Variants in CALN1 observed in about 807,000 individuals in gnomAD.
CALN1 encodes calneuron 1.
In CALN1, 17 loss-of-function variants were observed where a neutral mutation model predicts 30.6. The observed-to-expected ratio is 0.56, with a 90% confidence interval of 0.38 to 0.83. The LOEUF is 0.83. Among genes scored for constraint, CALN1 ranks in the 40% least tolerant of loss-of-function variants. The pLI is 0.00. For missense variants in CALN1, 291 were observed against 354.9 expected, an observed-to-expected ratio of 0.82 and a Z score of 1.45; for synonymous variants, 156 against 131.4, an observed-to-expected ratio of 1.19 and a Z score of -1.28.
intron 5 of CALN1, among the ~76,000 whole-genome samples, chr7:71,916,521 A>ACT (rs1180636961): frequency 6.6e-6 from 1 of 152,156 alleles, no homozygotes; most frequent in Non-Finnish European, 1.5e-5. Context: ...CCTTGCCAGG[A>ACT]ACATGGATGG....
chr7:72,205,416 G>T (rs1285876481), intron 3 of CALN1, among the ~76,000 whole-genome samples: 2 of 150,148 alleles, frequency 1.3e-5, no homozygotes, highest in African/African-American at 2.5e-5. Context: ...TAACCAGGCT[G>T]GTCTCTAACT....
At chr7:72,299,081 C>T (rs1799068492) in intron 2 of CALN1, among the ~76,000 whole-genome samples, 1 of 152,144 alleles carries the variant, frequency 6.6e-6, no homozygotes, top group African/African-American at 2.4e-5. Flanking sequence ...ACCACAGTAC[C>T]TCCCAGTGTG....
intron 5 of CALN1, among the ~76,000 whole-genome samples, chr7:71,951,482 T>C (rs1024215125): frequency 1.3e-5 from 2 of 152,034 alleles, no homozygotes; most frequent in Non-Finnish European, 2.9e-5. Flanking sequence ...TCCCAGCTAC[T>C]TGGGAGGCTG....
chr7:72,045,257 T>C (rs370689243), intron 4 of CALN1, among the ~76,000 whole-genome samples: 11 of 152,290 alleles, frequency 7.2e-5, no homozygotes, highest in Non-Finnish European at 1.2e-4. Context: ...GTGAACAGCA[T>C]GTGCTGCCTG....
At chr7:71,793,293 C>T (rs374882386) in intron 6 of CALN1, among the ~76,000 whole-genome samples, 4 of 151,882 alleles carry the variant, frequency 2.6e-5, no homozygotes, top group African/African-American at 7.2e-5. Context: ...GCAACAAGAG[C>T]GAAACTCCAT....
chr7:72,298,833 G>C (rs552553889), intron 2 of CALN1, among the ~76,000 whole-genome samples: 9 of 151,362 alleles, frequency 5.9e-5, no homozygotes, highest in African/African-American at 1.9e-4. Context: ...GGAGGGGTGC[G>C]GAGTTTCCCT....
At chr7:72,218,481 G>C (rs1020134746) in intron 3 of CALN1, among the ~76,000 whole-genome samples, 1 of 152,008 alleles carries the variant, frequency 6.6e-6, no homozygotes, top group Non-Finnish European at 1.5e-5. Context: ...ACTGTGCTTT[G>C]GGTAACCAAA....
chr7:72,249,349 GCAAGCATTTCCACTCTC>G (rs1417159016), intron 3 of CALN1, among the ~76,000 whole-genome samples: 14 of 152,160 alleles, frequency 9.2e-5, no homozygotes, highest in African/African-American at 3.4e-4. Flanking sequence ...AGGAAGCCAG[GCAAGCATTTCCACTCTC>G]CTGTGTGAGG....
chr7:72,484,316 G>T, the CALN1 span, among the ~76,000 whole-genome samples: 1 of 151,512 alleles, frequency 6.6e-6, no homozygotes, highest in South Asian at 2.1e-4. Flanking sequence ...TTATCTATTT[G>T]GGTCTTGATT....
chr7:71,820,670 T>C (rs1788535242), intron 5 of CALN1, among the ~76,000 whole-genome samples: 1 of 152,224 alleles, frequency 6.6e-6, no homozygotes, highest in African/African-American at 2.4e-5. Context: ...CATACGGTAA[T>C]TCTATGTTTA....
intron 5 of CALN1, among the ~76,000 whole-genome samples, chr7:71,897,965 C>CA (rs1217388366): frequency 0.14 from 7,419 of 54,942 alleles, 650 homozygotes; most frequent in Non-Finnish European, 0.2. Flanking sequence ...TGGAAAAAAA[C>CA]AAAAAACAAA....
At chr7:71,818,708 ATTTATTTATTTATTTT>A (rs1326293782) in intron 5 of CALN1, among the ~76,000 whole-genome samples, 112 of 146,988 alleles carry the variant, frequency 7.6e-4, no homozygotes, top group Middle Eastern at 3.5e-3. Flanking sequence ...TTATTTATTT[ATTTATTTATTTATTTT>A]TTTGAGCTGG....
At chr7:72,464,693 G>T in the CALN1 span, among the ~76,000 whole-genome samples, 1 of 152,230 alleles carries the variant, frequency 6.6e-6, no homozygotes, top group African/African-American at 2.4e-5. Flanking sequence ...GACTGGAGCA[G>T]CTCCAGCTTT....
intron 2 of CALN1, among the ~76,000 whole-genome samples, chr7:72,288,025 C>T (rs11762805): frequency 0.31 from 46,980 of 151,706 alleles, 7,884 homozygotes; most frequent in Non-Finnish European, 0.37. Flanking sequence ...AACTTTGTGG[C>T]TTAAAATAAA....
At chr7:71,842,454 T>C (rs1178853442) in intron 5 of CALN1, among the ~76,000 whole-genome samples, 1 of 152,218 alleles carries the variant, frequency 6.6e-6, no homozygotes, top group Non-Finnish European at 1.5e-5. Flanking sequence ...TCTGAGCTGT[T>C]GGGATTTTGC....
chr7:71,944,499 C>A (rs1455913825), intron 5 of CALN1, among the ~76,000 whole-genome samples: 31 of 140,096 alleles, frequency 2.2e-4, no homozygotes, highest in Non-Finnish European at 1.1e-4. Flanking sequence ...GAGGCTGAGG[C>A]AGGAGAATCG....
At chr7:72,335,429 C>T (rs1288715345) in intron 2 of CALN1, among the ~76,000 whole-genome samples, 1 of 152,190 alleles carries the variant, frequency 6.6e-6, no homozygotes, top group Non-Finnish European at 1.5e-5. Context: ...ACACACAGCG[C>T]AGAAATCTAC....
chr7:72,148,429 A>G (rs907674684), intron 3 of CALN1, among the ~76,000 whole-genome samples: 1 of 128,814 alleles, frequency 7.8e-6, no homozygotes, highest in Non-Finnish European at 1.9e-5. Flanking sequence ...AAGAAAAAAA[A>G]GAAAAAAGAA....
intron 5 of CALN1, among the ~76,000 whole-genome samples, chr7:72,000,662 AAAAG>A (rs1230307089): frequency 1.3e-5 from 2 of 151,584 alleles, no homozygotes; most frequent in African/African-American, 2.4e-5. Context: ...CCCACAAAAT[AAAAG>A]AAATAGAAAC....
Sources: gnomAD v4.1 joint callset for allele counts (sites outside exome capture counted in the v4.1 genomes callset) on GRCh38, gnomAD v4.1.1 for gene constraint, MANE v1.5 for transcripts, NCBI Gene and HGNC (gene_info 2026-07-23, HGNC 2026-07-21) for gene names.